MAGI2: variants seen among roughly 807,000 people sequenced by gnomAD.
MAGI2 encodes membrane associated guanylate kinase, WW and PDZ domain containing 2.
A neutral mutation model predicts 133.3 loss-of-function variants in MAGI2; 35 were observed. The observed-to-expected ratio is 0.26, with a 90% confidence interval of 0.20 to 0.35. MAGI2 has a LOEUF of 0.35. MAGI2 is among the 10% of genes least tolerant of loss of function. The probability of loss-of-function intolerance (pLI) is 1.00; values close to 1 mark genes in which losing one functional copy is unlikely to be tolerated. For synonymous variants in MAGI2, 729 were observed against 710.6 expected (o/e 1.03, Z -0.41); for missense variants, 1,636 against 1,863.4 (o/e 0.88, Z 2.25).
intron 1 of MAGI2, among the ~76,000 whole-genome samples, chr7:79,436,934 T>C (rs1848184439): frequency 6.6e-6 from 1 of 152,160 alleles, no homozygotes; most frequent in South Asian, 2.1e-4. Flanking sequence ...AGCAAAGCCA[T>C]GGAATCAACC....
chr7:78,439,323 G>A (rs555310691), intron 6 of MAGI2, among the ~76,000 whole-genome samples: 1 of 152,272 alleles, frequency 6.6e-6, no homozygotes, highest in Admixed American at 6.5e-5. Flanking sequence ...GGTTTTCAAG[G>A]AACTTACAGT....
chr7:79,264,859 CAGAG>C (rs150944484), intron 1 of MAGI2, among the ~76,000 whole-genome samples: 9 of 145,870 alleles, frequency 6.2e-5, no homozygotes, highest in African/African-American at 1.0e-4. Context: ...GAGAGAGACA[CAGAG>C]AGAGAGAGAG....
chr7:78,078,869 G>A (rs779562718), intron 21 of MAGI2, 78 bp downstream of exon 21: 2 of 1,540,352 alleles, frequency 1.3e-6, no homozygotes, highest in Non-Finnish European at 1.8e-6. Flanking sequence ...GAGAACTGAT[G>A]TAGTTTTATA....
chr7:78,572,195 G>T (rs554490289), intron 3 of MAGI2, among the ~76,000 whole-genome samples: 1 of 152,046 alleles, frequency 6.6e-6, no homozygotes, highest in Non-Finnish European at 1.5e-5. Flanking sequence ...TTTCAGTGGC[G>T]TTCATGTTTC....
chr7:78,629,870 G>GT (rs1408188102), intron 2 of MAGI2, among the ~76,000 whole-genome samples: 1 of 151,818 alleles, frequency 6.6e-6, no homozygotes, highest in Non-Finnish European at 1.5e-5. Context: ...CATTACTCTC[G>GT]TATTTTTCCT....
intron 2 of MAGI2, among the ~76,000 whole-genome samples, chr7:78,877,858 T>A (rs1437857078): frequency 6.6e-6 from 1 of 152,234 alleles, no homozygotes; most frequent in African/African-American, 2.4e-5. Flanking sequence ...CATCATAGCT[T>A]TTTTGAGCTG....
intron 6 of MAGI2, among the ~76,000 whole-genome samples, chr7:78,385,379 C>A (rs574781736): frequency 2.0e-5 from 3 of 152,212 alleles, no homozygotes; most frequent in Admixed American, 6.5e-5. Context: ...ATATAATTTT[C>A]AGCATTACTT....
At chr7:78,757,874 T>C (rs1824112384) in intron 2 of MAGI2, among the ~76,000 whole-genome samples, 2 of 152,164 alleles carry the variant, frequency 1.3e-5, no homozygotes, top group African/African-American at 4.8e-5. Context: ...AGCAGTTGAC[T>C]CCCAAACGTG....
intron 9 of MAGI2, among the ~76,000 whole-genome samples, chr7:78,338,191 C>T (rs1202522161): frequency 1.3e-5 from 2 of 152,108 alleles, no homozygotes; most frequent in African/African-American, 4.8e-5. Context: ...TTATGATGAT[C>T]ATTTTACTCC....
At chr7:78,355,729 C>A (rs962633873) in intron 7 of MAGI2, among the ~76,000 whole-genome samples, 3 of 152,276 alleles carry the variant, frequency 2.0e-5, no homozygotes, top group African/African-American at 4.8e-5. Flanking sequence ...TGGTAATCTG[C>A]AACACACTTC....
chr7:78,666,185 T>C (rs576390212), intron 2 of MAGI2, among the ~76,000 whole-genome samples: 2 of 152,268 alleles, frequency 1.3e-5, no homozygotes, highest in Non-Finnish European at 2.9e-5. Context: ...TGGAGAGAGC[T>C]AGACGACTTT....
chr7:78,220,242 G>A (rs1050635604), intron 10 of MAGI2, among the ~76,000 whole-genome samples: 3 of 152,118 alleles, frequency 2.0e-5, no homozygotes, highest in African/African-American at 7.2e-5. Context: ...TGCCTGGCAC[G>A]AAGTTACCTC....
intron 6 of MAGI2, among the ~76,000 whole-genome samples, chr7:78,465,052 A>T (rs1790477000): frequency 6.6e-6 from 1 of 152,234 alleles, no homozygotes; most frequent in African/African-American, 2.4e-5. Flanking sequence ...TGACATATGC[A>T]AAATAACTAT....
chr7:79,240,613 T>C (rs1344720630), intron 1 of MAGI2, among the ~76,000 whole-genome samples: 1 of 152,204 alleles, frequency 6.6e-6, no homozygotes, highest in Non-Finnish European at 1.5e-5. Context: ...TCTTCTTTGA[T>C]ATGAATCTGT....
intron 2 of MAGI2, among the ~76,000 whole-genome samples, chr7:78,999,341 C>A (rs1806631996): frequency 6.6e-6 from 1 of 151,476 alleles, no homozygotes; most frequent in African/African-American, 2.4e-5. Context: ...CCTTTATTCT[C>A]AAACTAGTGT....
At chr7:78,217,755 A>G (rs867632067) in intron 10 of MAGI2, among the ~76,000 whole-genome samples, 5 of 152,214 alleles carry the variant, frequency 3.3e-5, no homozygotes, top group African/African-American at 1.2e-4. Context: ...GTTACTTGCC[A>G]TGATCTTGTC....
chr7:79,213,826 T>C (rs1262372462), intron 1 of MAGI2, among the ~76,000 whole-genome samples: 3 of 152,058 alleles, frequency 2.0e-5, no homozygotes, highest in Non-Finnish European at 4.4e-5. Context: ...TTTTGTTTCC[T>C]GTGTGTTAAT....
At chr7:78,283,580 A>ATTTTAAATTTCGTGT (rs1795845202) in intron 9 of MAGI2, among the ~76,000 whole-genome samples, 1 of 152,240 alleles carries the variant, frequency 6.6e-6, no homozygotes, top group East Asian at 1.9e-4. Context: ...GTAATAAATG[A>ATTTTAAATTTCGTGT]TTTTAAATTT....
At chr7:79,148,303 A>T (rs1001730526) in intron 1 of MAGI2, among the ~76,000 whole-genome samples, 4 of 152,152 alleles carry the variant, frequency 2.6e-5, no homozygotes, top group African/African-American at 9.7e-5. Flanking sequence ...ACCTACAGGA[A>T]TGCCAATTCC....
Sources: gnomAD v4.1 joint callset for allele counts (sites outside exome capture counted in the v4.1 genomes callset) on GRCh38, gnomAD v4.1.1 for gene constraint, MANE v1.5 for transcripts, NCBI Gene and HGNC (gene_info 2026-07-23, HGNC 2026-07-21) for gene names.